Variants in ADAMTSL1 observed in about 807,000 individuals in gnomAD.
ADAMTSL1 encodes ADAMTS-like protein 1.
A neutral mutation model predicts 201.8 loss-of-function variants in ADAMTSL1; 126 were observed. The ratio of observed to expected loss-of-function variants is 0.62; its 90% CI spans 0.54 to 0.72. The LOEUF is 0.72. Among genes scored for constraint, ADAMTSL1 ranks in the 30% least tolerant of loss-of-function variants. The probability of loss-of-function intolerance (pLI) is 0.00; values close to 1 mark genes in which losing one functional copy is unlikely to be tolerated. For missense variants in ADAMTSL1, 2,679 were observed against 2,277.8 expected (o/e 1.18, Z -3.59); for synonymous variants, 1,121 against 903.4 (o/e 1.24, Z -4.32).
chr9:18,792,763 T>C (rs908817628), intron 19 of ADAMTSL1, among the ~76,000 whole-genome samples: 4 of 152,250 alleles, frequency 2.6e-5, no homozygotes, highest in African/African-American at 9.6e-5. Flanking sequence ...AGCAATGATA[T>C]TACATTATGT....
chr9:18,727,533 T>G (rs1219938301), intron 15 of ADAMTSL1, among the ~76,000 whole-genome samples: 2 of 152,242 alleles, frequency 1.3e-5, no homozygotes, highest in African/African-American at 4.8e-5. Flanking sequence ...CCTTAATGGT[T>G]GGGCCTGACT....
chr9:18,383,414 C>T (rs1025619593), intron 2 of ADAMTSL1, among the ~76,000 whole-genome samples: 4 of 151,982 alleles, frequency 2.6e-5, no homozygotes, highest in Non-Finnish European at 5.9e-5. Flanking sequence ...AAAAGGTAGG[C>T]CTAGGACAGA....
intron 1 of ADAMTSL1, among the ~76,000 whole-genome samples, chr9:18,106,808 G>T (rs1824781483): frequency 6.6e-6 from 1 of 152,150 alleles, no homozygotes; most frequent in African/African-American, 2.4e-5. Context: ...TTTAGATGAG[G>T]TTCTAGCCAG....
intron 2 of ADAMTSL1, among the ~76,000 whole-genome samples, chr9:18,455,755 A>G (rs1289632782): frequency 9.2e-6 from 1 of 108,422 alleles, no homozygotes; most frequent in Non-Finnish European, 1.9e-5. Flanking sequence ...ATCTCTTCCC[A>G]CCCCCACCCC....
intron 1 of ADAMTSL1, among the ~76,000 whole-genome samples, chr9:18,001,800 G>A (rs1233524735): frequency 1.3e-5 from 2 of 152,020 alleles, no homozygotes; most frequent in East Asian, 1.9e-4. Flanking sequence ...CGCAGAGAGG[G>A]CCAGTAGGAT....
At chr9:18,070,686 G>T (rs1325853049) in intron 1 of ADAMTSL1, among the ~76,000 whole-genome samples, 1 of 152,164 alleles carries the variant, frequency 6.6e-6, no homozygotes, top group East Asian at 1.9e-4. Context: ...AAAGCCCCTT[G>T]GGAGAAGGAG....
rs975074921 is a variant in ADAMTSL1 at position 18,283,928 on chromosome 9, AAAGAAG to A, written c.207+119963_207+119968del. 7.8e-3 allele frequency among the ~76,000 whole-genome samples: 818 copies of A among 104,564 alleles called. 4 individuals are homozygous for A. The highest frequency in any genetic ancestry group is 0.026 in the Middle Eastern group (4 of 152). 68.6% of individuals were successfully genotyped at this position (104,564 alleles called of 152,430 possible). A position where few individuals can be genotyped will look rare whatever the true frequency, so the allele number is the denominator to read the frequency against. ...GCAAGACTCCGTCTAAAAAAAAAAA[AAAGAAG>A]AAGAAGAAGAAGAAGGCTGGGTGTG... On this transcript the variant is annotated intron_variant, in intron 2 of 29. Transcript: ENST00000680146.
intron 1 of ADAMTSL1, among the ~76,000 whole-genome samples, chr9:17,962,081 A>G (rs1291092305): frequency 1.3e-5 from 2 of 152,226 alleles, no homozygotes; most frequent in Admixed American, 6.5e-5. Flanking sequence ...CAACATAGCT[A>G]GAGGTTGAGG....
chr9:18,820,650 GC>G (rs1244180715), intron 21 of ADAMTSL1, among the ~76,000 whole-genome samples: 1 of 152,168 alleles, frequency 6.6e-6, no homozygotes, highest in Non-Finnish European at 1.5e-5. Context: ...TGAATTGTTA[GC>G]AGTTTTTCAT....
rs545462155 is a variant in ADAMTSL1 at position 18,155,009 on chromosome 9, G to A, written c.88-8853G>A. 1.9e-4 allele frequency among the ~76,000 whole-genome samples: 29 copies of A among 152,052 alleles called. No individual in the cohort carries two copies. The South Asian group carries it at 5.2e-3, about 27-fold the overall frequency. On this transcript the variant is annotated intron_variant, in intron 1 of 29. Transcript: ENST00000680146. ...GTTGCTGGTGGGTGGTGATGGAGGT[G>A]GTGAGTCACAGATATAAGAATTACA...
At chr9:18,060,338 A>C (rs1267603965) in intron 1 of ADAMTSL1, among the ~76,000 whole-genome samples, 1 of 152,132 alleles carries the variant, frequency 6.6e-6, no homozygotes, top group East Asian at 1.9e-4. Context: ...AGGTTTGTTC[A>C]GTTATACTGT....
chr9:18,428,533 T>C (rs1819336146), intron 2 of ADAMTSL1, among the ~76,000 whole-genome samples: 1 of 151,652 alleles, frequency 6.6e-6, no homozygotes, highest in African/African-American at 2.4e-5. Context: ...GATGGGAGAA[T>C]TGTGTGAGTC....
At position 18,675,858 on chromosome 9, in the gene ADAMTSL1, G is replaced by C. The variant is rs1830102110; in HGVS notation, c.1087G>C (p.Asp363His). Reference protein sequence around the residue: ...ECNLDPCPASDGYKQIMPYDL... With the variant: ...ECNLDPCPASHGYKQIMPYDL... ...GGTTGGCATTATTGTTCCTAACAGT[G>C]ACGGATACAAGCAGATCATGCCTTA... The change falls in exon 10 of 29, where the codon GAC (aspartate) becomes CAC (histidine). Residue 363 changes from aspartate to histidine, a missense_variant and splice_region_variant. Asp to His is a moderately conservative substitution (Grantham distance 81). Transcript: ENST00000380548. 2 of 1,612,888 alleles carry C rather than the reference G, an allele frequency of 1.2e-6. No individual in the cohort carries two copies. The highest frequency in any genetic ancestry group is 2.7e-5 in the African/African-American group (2 of 74,848).
At chr9:18,775,198 A>T (rs1483687137) in intron 17 of ADAMTSL1, among the ~76,000 whole-genome samples, 1 of 152,232 alleles carries the variant, frequency 6.6e-6, no homozygotes. Context: ...CTTTGAGATT[A>T]GGAACTATTC....
chr9:18,552,412 A>G (rs1216633905), intron 3 of ADAMTSL1, among the ~76,000 whole-genome samples: 1 of 151,812 alleles, frequency 6.6e-6, no homozygotes, highest in Admixed American at 6.6e-5. Flanking sequence ...ATCGCTAACA[A>G]TTGCATTATG....
In ADAMTSL1 at chr9:18,160,467, T is replaced by C. The variant is rs191436584; in HGVS notation, c.88-3395T>C. ...AATTTCTCCACTTCTCATGCTTCTGTTTTCTCTCTGCAAAACTAACACCAC... is the reference window on the plus strand; with the variant it reads ...AATTTCTCCACTTCTCATGCTTCTGCTTTCTCTCTGCAAAACTAACACCAC... On this transcript the variant is annotated intron_variant, in intron 1 of 29. Transcript: ENST00000680146. 2.8e-3 allele frequency among the ~76,000 whole-genome samples: 426 copies of C among 152,074 alleles called. 1 individual carries two copies. Among genetic ancestry groups the C allele is most frequent in the Admixed American group, 8.3e-3 (126 of 15,260 alleles).
At chr9:18,198,323 C>T (rs1296750369) in intron 2 of ADAMTSL1, among the ~76,000 whole-genome samples, 13 of 147,090 alleles carry the variant, frequency 8.8e-5, no homozygotes, top group African/African-American at 2.5e-4. Flanking sequence ...GAACAGGCAA[C>T]CTACAAAATG....
intron 15 of ADAMTSL1, among the ~76,000 whole-genome samples, chr9:18,752,646 A>G (rs543915670): frequency 6.6e-6 from 1 of 152,288 alleles, no homozygotes; most frequent in Non-Finnish European, 1.5e-5. Flanking sequence ...CACTCAACTC[A>G]TCTGCGTATT....
At chr9:18,180,822 C>T (rs559961863) in intron 2 of ADAMTSL1, among the ~76,000 whole-genome samples, 86 of 152,242 alleles carry the variant, frequency 5.6e-4, no homozygotes, top group Non-Finnish European at 9.0e-4. Flanking sequence ...GAGCCCGCAT[C>T]GCCAAGTCAA....
Sources: allele counts gnomAD v4.1 joint callset (sites outside exome capture counted in the v4.1 genomes callset), GRCh38; gene constraint gnomAD v4.1.1; transcripts MANE v1.5; gene names NCBI Gene and HGNC (gene_info 2026-07-23, HGNC 2026-07-21).